VPS53: variants seen among roughly 807,000 people sequenced by gnomAD.
VPS53 encodes vacuolar protein sorting-associated protein 53 homolog.
A neutral mutation model predicts 107.0 loss-of-function variants in VPS53; 70 were observed. That is an observed-to-expected ratio of 0.65 (90% CI 0.54 to 0.80). The LOEUF (loss-of-function observed/expected upper bound fraction) is 0.80, where lower values mean the gene tolerates loss of function less well. VPS53 is among the 30% of genes least tolerant of loss of function. The probability of loss-of-function intolerance (pLI) is 0.00; values close to 1 mark genes in which losing one functional copy is unlikely to be tolerated. For synonymous variants in VPS53, 409 were observed against 393.3 expected (o/e 1.04, Z -0.47); for missense variants, 917 against 1,049.4 (o/e 0.87, Z 1.74).
chr17:599,306 G>GA (rs1175652021), intron 12 of VPS53, among the ~76,000 whole-genome samples: 2 of 152,258 alleles, frequency 1.3e-5, no homozygotes, highest in Non-Finnish European at 2.9e-5. Context: ...TTGTGGAATA[G>GA]AAAGTGGGGA....
intron 4 of VPS53, among the ~76,000 whole-genome samples, chr17:695,455 G>A (rs967396200): frequency 6.6e-6 from 1 of 152,154 alleles, no homozygotes; most frequent in Non-Finnish European, 1.5e-5. Flanking sequence ...GCACAGGCAT[G>A]CTCGTAGAGC....
intron 4 of VPS53, 43 bp from the exon 5 acceptor site, chr17:661,938 A>G: frequency 2.0e-6 from 3 of 1,471,134 alleles, no homozygotes; most frequent in Non-Finnish European, 2.8e-6. Context: ...GTGGCTAGAG[A>G]CAGCTCCAGT....
rs2151796586 is a variant in VPS53 at position 524,038 on chromosome 17, C to T, written c.2086-2300G>A. 6.6e-6 allele frequency among the ~76,000 whole-genome samples: 1 copy of T among 152,310 alleles called. No individual in the cohort carries two copies. Among genetic ancestry groups the T allele is most frequent in the East Asian group, 1.9e-4 (1 of 5,186 alleles). On this transcript the variant is annotated intron_variant, in intron 19 of 21. Coordinates refer to ENST00000437048, the MANE Select transcript of VPS53 (RefSeq NM_001128159.3). The surrounding 1 kb of genome is among the most constrained non-coding windows in gnomAD (Gnocchi z 4.5). ...AAAATACAGGGCGCAGTGGCTCATGCCTGTAATCCCAGCATTTTGGGAGGC... is the reference window on the plus strand; with the variant it reads ...AAAATACAGGGCGCAGTGGCTCATGTCTGTAATCCCAGCATTTTGGGAGGC...
intron 10 of VPS53, among the ~76,000 whole-genome samples, chr17:624,216 A>G (rs1969593369): frequency 6.6e-6 from 1 of 152,180 alleles, no homozygotes. Context: ...ATAATAATAC[A>G]TATGGAGCAC....
At chr17:605,437 T>C (rs1207112857) in intron 11 of VPS53, among the ~76,000 whole-genome samples, 1 of 148,576 alleles carries the variant, frequency 6.7e-6, no homozygotes, top group Non-Finnish European at 1.5e-5. Context: ...GGAAAGCATA[T>C]GGTGAGTCTG....
intron 11 of VPS53, among the ~76,000 whole-genome samples, chr17:619,075 G>A (rs1449878986): frequency 7.1e-6 from 1 of 140,424 alleles, no homozygotes; most frequent in Non-Finnish European, 1.5e-5. Flanking sequence ...GGGACTACAG[G>A]CGTGCACCAC....
chr17:666,982 C>T (rs938546375), intron 4 of VPS53, among the ~76,000 whole-genome samples: 2 of 152,148 alleles, frequency 1.3e-5, no homozygotes, highest in Non-Finnish European at 2.9e-5. Context: ...GTGACCTTGA[C>T]AAGAGCAGTC....
intron 5 of VPS53, chr17:657,103 C>T: frequency 5.5e-6 from 6 of 1,090,200 alleles, no homozygotes; most frequent in Non-Finnish European, 8.5e-6. Context: ...CCAAATCAAT[C>T]TGAATGGTGT....
chr17:645,671 A>C (rs367643298), intron 7 of VPS53, among the ~76,000 whole-genome samples: 3 of 152,232 alleles, frequency 2.0e-5, no homozygotes, highest in African/African-American at 7.2e-5. Flanking sequence ...ATTTTGAGTT[A>C]TTAACGAATC....
rs1908553038 is a variant in VPS53 at position 519,448 on chromosome 17, C to T, written c.2329-150G>A. 1.2e-6 allele frequency: 1 copy of T among 801,072 alleles called. No homozygotes were observed. The highest frequency in any genetic ancestry group is 1.7e-5 in the African/African-American group (1 of 57,354). 49.6% of individuals were successfully genotyped at this position (801,072 alleles called of 1,614,324 possible). On this transcript the variant is annotated intron_variant, in intron 21 of 21. Coordinates refer to ENST00000437048, the MANE Select transcript of VPS53 (RefSeq NM_001128159.3). This position sits in a 1 kb window ranked among gnomAD's most constrained non-coding sequence, Gnocchi z 5.0. ...GGATGAACCGTTTCCTCAAGGGACT[C>T]ACCATCCCCTGGGTAGTAGCGTGGG...
intron 13 of VPS53, among the ~76,000 whole-genome samples, chr17:579,787 T>G (rs950262687): frequency 6.7e-6 from 1 of 150,300 alleles, no homozygotes; most frequent in African/African-American, 2.5e-5. Flanking sequence ...CCTGAGTGCA[T>G]TAACAGAGAA....
chr17:623,739 A>T, intron 10 of VPS53, 65 bp from the exon 11 acceptor site: 1 of 1,507,864 alleles, frequency 6.6e-7, no homozygotes, highest in East Asian at 2.3e-5. Context: ...GAGATAAGGT[A>T]AATGGCCTTA....
intron 18 of VPS53, among the ~76,000 whole-genome samples, chr17:535,577 C>T (rs139770184): frequency 8.5e-5 from 13 of 152,150 alleles, no homozygotes; most frequent in African/African-American, 2.9e-4. Flanking sequence ...TTCACTTTAA[C>T]GTAAGCTCAA....
intron 18 of VPS53, 153 bp downstream of exon 18, chr17:536,875 G>A (rs369181955): frequency 5.5e-6 from 5 of 907,722 alleles, no homozygotes; most frequent in Middle Eastern, 2.3e-4. Context: ...GGGAGGTGTC[G>A]GTAATGGGAA....
intron 12 of VPS53, among the ~76,000 whole-genome samples, chr17:590,861 C>A (rs985237525): frequency 4.0e-5 from 6 of 150,388 alleles, no homozygotes; most frequent in South Asian, 2.1e-4. Flanking sequence ...TGTCTCTGCC[C>A]GGCTTTGGTA....
chr17:549,768 T>G (rs556103608), intron 17 of VPS53, among the ~76,000 whole-genome samples: 1 of 152,128 alleles, frequency 6.6e-6, no homozygotes, highest in South Asian at 2.1e-4. Flanking sequence ...TCTAAGCAGA[T>G]GGACTGGCCT....
rs112486252 is a variant in VPS53 at position 612,991 on chromosome 17, G to A, written c.1116+10542C>T. 2.5e-3 allele frequency among the ~76,000 whole-genome samples: 372 copies of A among 147,224 alleles called. 3 individuals are homozygous for A. The highest frequency in any genetic ancestry group is 8.9e-3 in the African/African-American group (350 of 39,410). Reference sequence around the variant, plus strand: ...AAACCTGTACAAATATTCACATAGTGAGTTCACACAGTGAAAACCTGTACA... The same window carrying A: ...AAACCTGTACAAATATTCACATAGTAAGTTCACACAGTGAAAACCTGTACA... On this transcript the variant is annotated intron_variant, in intron 11 of 21. Coordinates refer to ENST00000437048, the MANE Select transcript of VPS53 (RefSeq NM_001128159.3).
At chr17:593,147 C>G (rs1447954216) in intron 12 of VPS53, among the ~76,000 whole-genome samples, 4 of 150,856 alleles carry the variant, frequency 2.7e-5, no homozygotes, top group Admixed American at 6.6e-5. Context: ...ACACTTTATA[C>G]AAAAATCAAT....
chr17:608,192 C>G (rs1490999035), intron 11 of VPS53, among the ~76,000 whole-genome samples: 1 of 152,204 alleles, frequency 6.6e-6, no homozygotes, highest in Non-Finnish European at 1.5e-5. Context: ...TCTGGGGCTA[C>G]TCTCTTGCTA....
Sources: allele counts gnomAD v4.1 joint callset (sites outside exome capture counted in the v4.1 genomes callset), GRCh38; gene constraint gnomAD v4.1.1; non-coding constraint Gnocchi (gnomAD v3.1); transcripts MANE v1.5; gene names NCBI Gene and HGNC (gene_info 2026-07-23, HGNC 2026-07-21).